The following MANSC1 variants were observed in gnomAD, a reference collection of about 807,000 sequenced individuals.
The protein encoded by MANSC1 is MANSC domain containing 1.
A neutral mutation model predicts 14.1 loss-of-function variants in MANSC1; 13 were observed. That is an observed-to-expected ratio of 0.92 (90% CI 0.60 to 1.46). The LOEUF is 1.46. MANSC1 is among the 40% of genes most tolerant of loss of function. MANSC1 has a pLI of 0.00. For missense variants in MANSC1, 486 were observed against 511.4 expected, an observed-to-expected ratio of 0.95 and a Z score of 0.48; for synonymous variants, 227 against 200.7, an observed-to-expected ratio of 1.13 and a Z score of -1.11.
chr12:12,338,520 T>C lies in MANSC1; in HGVS notation c.264A>G (p.Lys88=), dbSNP rs866768005. 1 of 1,613,756 alleles carries C rather than the reference T, an allele frequency of 6.2e-7. No homozygotes were observed. The highest frequency in any genetic ancestry group is 1.1e-5 in the South Asian group (1 of 90,986). Residue 88 remains lysine, a synonymous_variant, in exon 3 of 4, where the codon AAA becomes AAG. Transcript: ENST00000535902. ...GGTAGCAGTTGGGTTGTCTAGCTGT[T>C]TTTCGAGTGTCGAAGATCATCAAGT... ...ACNLMIFDTR[K]TARQPNCYLF...
rs920911436 is a variant in MANSC1 at position 12,327,551 on chromosome 12, T to C, written c.*2476A>G. 1.3e-5 allele frequency: 2 copies of C among 152,070 alleles called. No homozygotes were observed. Among genetic ancestry groups the C allele is most frequent in the African/African-American group, 4.8e-5 (2 of 41,420 alleles). The allele number at this position is 152,070 out of a possible 1,614,324, so 9.4% of individuals were successfully genotyped here. On this transcript the variant is annotated 3_prime_UTR_variant, in exon 4 of 4. Transcript: ENST00000535902. ...GAGAACTCCAAGAGAGCCAGGAAAA[T>C]ACCTTTATAAACCATCACAGAAAGC... is the stretch of plus-strand genomic sequence containing the variant.
At position 12,350,196 on chromosome 12, in the gene MANSC1, G is replaced by T. The variant is rs1033536356; in HGVS notation, c.-219C>A. 3 of 152,248 alleles carry T rather than the reference G, an allele frequency of 2.0e-5. No individual in the cohort carries two copies. The highest frequency in any genetic ancestry group is 1.3e-4 in the Admixed American group (2 of 15,294). 9.4% of individuals were successfully genotyped at this position (152,248 alleles called of 1,614,324 possible). A position where few individuals can be genotyped will look rare whatever the true frequency, so the allele number is the denominator to read the frequency against. On this transcript the variant is annotated 5_prime_UTR_variant, in exon 1 of 4. Coordinates refer to ENST00000535902, the MANE Select transcript of MANSC1 (RefSeq NM_018050.4). The stretch of plus-strand genomic sequence containing the variant: ...GGTCTCGGCGAGGACCGCAGCGGAT[G>T]CTCCGCAGCTCCCGCACCGGCCTGG...
In MANSC1 at chr12:12,332,791, G is replaced by C. The variant is rs892582535; in HGVS notation, c.365-1833C>G. Among the ~76,000 whole-genome samples, 2 of 152,004 alleles carry C rather than the reference G, an allele frequency of 1.3e-5. 1 individual carries two copies. Among genetic ancestry groups the C allele is most frequent in the Admixed American group, 1.3e-4 (2 of 15,258 alleles). ...CCCCTTCGGTCTCCCAAAGTGCTGG[G>C]ATTATAGAGGTGAGCCACCATGCCT... On this transcript the variant is annotated intron_variant, in intron 3 of 3. Transcript: ENST00000535902.
At chr12:12,345,716 G>T (rs1863001538) in intron 1 of MANSC1, among the ~76,000 whole-genome samples, 1 of 152,182 alleles carries the variant, frequency 6.6e-6, no homozygotes, top group South Asian at 2.1e-4. Context: ...ATAGCTTAGA[G>T]CAGAATTACT....
At chr12:12,344,715 C>G (rs1320227114) in intron 1 of MANSC1, among the ~76,000 whole-genome samples, 2 of 149,946 alleles carry the variant, frequency 1.3e-5, no homozygotes, top group Admixed American at 1.3e-4. Flanking sequence ...GATCCGCCTG[C>G]CTCGGCCTCC....
At position 12,329,970 on chromosome 12, in the gene MANSC1, C is replaced by T; in HGVS notation, c.*57G>A. 1 of 1,441,542 alleles carries T rather than the reference C, an allele frequency of 6.9e-7. No homozygotes were observed. The highest frequency in any genetic ancestry group is 9.5e-7 in the Non-Finnish European group (1 of 1,048,856). 89.3% of individuals were successfully genotyped at this position (1,441,542 alleles called of 1,614,324 possible). A position where few individuals can be genotyped will look rare whatever the true frequency, so the allele number is the denominator to read the frequency against. ...GCTAAGACTAGCAAGTCAGCAGAAA[C>T]TCATTGCATTTGGGCTTCTGGTTAC... On this transcript the variant is annotated 3_prime_UTR_variant, in exon 4 of 4. Transcript: ENST00000535902.
rs74061201 is a variant in MANSC1, at chr12:12,327,108, C to T, written c.*2919G>A. 12,935 of 152,438 alleles carry T rather than the reference C, an allele frequency of 0.085. 947 individuals are homozygous for T. Among genetic ancestry groups the T allele is most frequent in the East Asian group, 0.33 (1,718 of 5,172 alleles). 9.4% of individuals were successfully genotyped at this position (152,438 alleles called of 1,614,324 possible). On this transcript the variant is annotated 3_prime_UTR_variant, in exon 4 of 4. Coordinates refer to ENST00000535902, the MANE Select transcript of MANSC1 (RefSeq NM_018050.4). ...TACAGGCGTGAGCCACCACGCCTGG[C>T]CAAGAGTAGCTTTTTAACCTAGGTC...
At chr12:12,343,048 A>G (rs1862958166) in intron 2 of MANSC1, 44 bp downstream of exon 2, 1 of 1,438,274 alleles carries the variant, frequency 7.0e-7, no homozygotes, top group East Asian at 2.3e-5. Flanking sequence ...TCCTGAAGCC[A>G]CAAAACACAT....
intron 2 of MANSC1, among the ~76,000 whole-genome samples, chr12:12,340,049 C>T (rs945943841): frequency 6.6e-6 from 1 of 152,130 alleles, no homozygotes; most frequent in South Asian, 2.1e-4. Flanking sequence ...TGGGCTCAAG[C>T]AATCCATCCC....
In MANSC1 at chr12:12,326,353, A is replaced by T. The variant is rs570326216; in HGVS notation, c.*3674T>A. ...TACAAGCAAGAAAATCTCTCCTAGA[A>T]GTCCCTAGTAGGTTTCCTTTCAGCT... On this transcript the variant is annotated 3_prime_UTR_variant, in exon 4 of 4. Transcript: ENST00000535902. 1 of 152,292 alleles carries T rather than the reference A, an allele frequency of 6.6e-6. No individual in the cohort carries two copies. Among genetic ancestry groups the T allele is most frequent in the African/African-American group, 2.4e-5 (1 of 41,560 alleles). 9.4% of individuals were successfully genotyped at this position (152,292 alleles called of 1,614,324 possible).
rs1464174229 is a variant in MANSC1 at position 12,329,050 on chromosome 12, T to TG, written c.*976dup. 2.7e-5 allele frequency: 4 copies of TG among 149,750 alleles called. No homozygotes were observed. Among genetic ancestry groups the TG allele is most frequent in the Non-Finnish European group, 5.9e-5 (4 of 67,774 alleles). The allele number at this position is 149,750 out of a possible 1,614,324, so 9.3% of individuals were successfully genotyped here. ...CAAGTTAACTAGAACAGATCCCAAG[T>TG]GGATATGGCCATTTATCAGAACTGA... On this transcript the variant is annotated 3_prime_UTR_variant, in exon 4 of 4. Transcript: ENST00000535902.
rs866917770 is a variant in MANSC1, at chr12:12,343,413, C to T, written c.-99G>A. 1 of 730,232 alleles carries T rather than the reference C, an allele frequency of 1.4e-6. No individual in the cohort carries two copies. The highest frequency in any genetic ancestry group is 1.8e-5 in the African/African-American group (1 of 56,206). 45.2% of individuals were successfully genotyped at this position (730,232 alleles called of 1,614,324 possible). A position where few individuals can be genotyped will look rare whatever the true frequency, so the allele number is the denominator to read the frequency against. The stretch of plus-strand genomic sequence containing the variant: ...AGGCTGCACAGATGATGAGATTTCT[C>T]TCTAGAACAAAAATGGAAAATCATC... On this transcript the variant is annotated splice_region_variant and 5_prime_UTR_variant, in exon 2 of 4. Transcript: ENST00000535902.
At chr12:12,339,229 A>G (rs970724505) in intron 2 of MANSC1, 1 of 155,548 alleles carries the variant, frequency 6.4e-6, no homozygotes, top group Non-Finnish European at 1.4e-5. Flanking sequence ...AATGCTTTGC[A>G]TGTTGCCTAC....
chr12:12,345,398 C>G (rs182266517), intron 1 of MANSC1, among the ~76,000 whole-genome samples: 206 of 151,932 alleles, frequency 1.4e-3, no homozygotes, highest in Non-Finnish European at 1.9e-3. Flanking sequence ...TGCTGCTTCT[C>G]CTTAAGAAGT....
chr12:12,334,761 A>G (rs144689869), intron 3 of MANSC1, among the ~76,000 whole-genome samples: 29 of 152,362 alleles, frequency 1.9e-4, no homozygotes, highest in African/African-American at 6.5e-4. Context: ...AGTATTAGAA[A>G]ACAAATTCAG....
chr12:12,331,319 A>G (rs1862786946), intron 3 of MANSC1, among the ~76,000 whole-genome samples: 1 of 152,252 alleles, frequency 6.6e-6, no homozygotes, highest in Non-Finnish European at 1.5e-5. Flanking sequence ...ATGATAGGAC[A>G]GAAGAGAAGA....
intron 3 of MANSC1, among the ~76,000 whole-genome samples, chr12:12,334,278 T>TA (rs1212356403): frequency 6.3e-5 from 8 of 127,452 alleles, no homozygotes; most frequent in Non-Finnish European, 1.0e-4. Flanking sequence ...GATGCTGCCT[T>TA]AAAAAAAAAG....
At chr12:12,339,987 T>G (rs963889964) in intron 2 of MANSC1, among the ~76,000 whole-genome samples, 1 of 152,018 alleles carries the variant, frequency 6.6e-6, no homozygotes, top group African/African-American at 2.4e-5. Context: ...TAATTTTTTG[T>G]TTTTTGTAGA....
chr12:12,340,285 C>T (rs775445968), intron 2 of MANSC1, among the ~76,000 whole-genome samples: 5 of 152,142 alleles, frequency 3.3e-5, no homozygotes, highest in Non-Finnish European at 5.9e-5. Context: ...TAAAAACATA[C>T]GCTCTGTCGA....
Sources: gnomAD v4.1 joint callset for allele counts (sites outside exome capture counted in the v4.1 genomes callset) on GRCh38, gnomAD v4.1.1 for gene constraint, MANE v1.5 for transcripts, NCBI Gene and HGNC (gene_info 2026-07-23, HGNC 2026-07-21) for gene names.